Variants in CPLX1 observed in about 807,000 individuals in gnomAD.
CPLX1 encodes complexin-1.
A neutral mutation model predicts 15.6 loss-of-function variants in CPLX1; 6 were observed. The ratio of observed to expected loss-of-function variants is 0.39; its 90% confidence interval spans 0.21 to 0.76. The LOEUF is 0.76. CPLX1 is among the 30% of genes least tolerant of loss of function. The probability of loss-of-function intolerance (pLI) is 0.43; values close to 1 mark genes in which losing one functional copy is unlikely to be tolerated. For missense variants in CPLX1, 242 were observed against 188.6 expected (o/e 1.28, Z -1.66); for synonymous variants, 91 against 75.2 (o/e 1.21, Z -1.08).
At chr4:791,393 G>A (rs527512677) in intron 3 of CPLX1, among the ~76,000 whole-genome samples, 52 of 152,312 alleles carry the variant, frequency 3.4e-4, no homozygotes, top group African/African-American at 8.2e-4. Context: ...GGGAGAATCC[G>A]TGGGTGGGGA....
intron 2 of CPLX1, among the ~76,000 whole-genome samples, chr4:823,669 G>A (rs1247771901): frequency 1.3e-5 from 2 of 152,222 alleles, no homozygotes; most frequent in African/African-American, 2.4e-5. Context: ...CGACAGCCCC[G>A]AGGCCTGAGT....
chr4:818,511 G>A (rs112880455), intron 2 of CPLX1, among the ~76,000 whole-genome samples: 2,205 of 152,380 alleles, frequency 0.014, 58 homozygotes, highest in African/African-American at 0.049. Context: ...AGCAACTCTG[G>A]TGGCTTTGCA....
chr4:815,617 T>C (rs984184696), intron 2 of CPLX1, among the ~76,000 whole-genome samples: 4 of 152,116 alleles, frequency 2.6e-5, no homozygotes, highest in African/African-American at 9.7e-5. Context: ...TGGCACTTAC[T>C]CAGAAACATA....
intron 2 of CPLX1, among the ~76,000 whole-genome samples, chr4:813,347 G>A (rs1029327221): frequency 1.3e-5 from 2 of 151,974 alleles, no homozygotes; most frequent in Admixed American, 6.6e-5. Context: ...CAGGTAAATC[G>A]GTATCAGATT....
At chr4:825,483 C>G (rs1384166445) in intron 1 of CPLX1, among the ~76,000 whole-genome samples, 1 of 151,802 alleles carries the variant, frequency 6.6e-6, no homozygotes, top group African/African-American at 2.4e-5. Context: ...GCTCCCGCGG[C>G]GCGGGGAAGG....
chr4:824,164 T>G (rs956067077), intron 2 of CPLX1, among the ~76,000 whole-genome samples: 1 of 152,234 alleles, frequency 6.6e-6, no homozygotes, highest in African/African-American at 2.4e-5. Flanking sequence ...CTGTAAAGCC[T>G]ACGCCAGAGT....
intron 2 of CPLX1, 56 bp from the exon 3 acceptor site, chr4:792,664 A>C: frequency 6.5e-7 from 1 of 1,548,622 alleles, no homozygotes; most frequent in Non-Finnish European, 8.8e-7. Context: ...GGGCCGGGCT[A>C]GTGTCTCAGC....
intron 2 of CPLX1, chr4:804,836 G>C (rs969700765): frequency 1.0e-6 from 1 of 985,340 alleles, no homozygotes; most frequent in African/African-American, 1.7e-5. Flanking sequence ...CAAGCGTGGG[G>C]AGCGACGTGC....
chr4:804,857 C>A (rs1289145740), intron 2 of CPLX1: 1 of 985,324 alleles, frequency 1.0e-6, no homozygotes, highest in Admixed American at 6.1e-5. Flanking sequence ...TCAGCCTCCA[C>A]GGGAAAGGTG....
chr4:788,267 G>A, intron 3 of CPLX1: 1 of 985,278 alleles, frequency 1.0e-6, no homozygotes, highest in Non-Finnish European at 1.2e-6. Flanking sequence ...GGGGCTGCCT[G>A]TGTGCTCCCC....
intron 3 of CPLX1, chr4:788,253 A>AG (rs936887651): frequency 7.1e-6 from 7 of 984,884 alleles, no homozygotes; most frequent in Admixed American, 6.2e-5. Flanking sequence ...TCCCAAATGG[A>AG]GGGGGGGCTG....
chr4:824,685 A>G (rs1746941292), intron 1 of CPLX1, 84 bp from the exon 2 acceptor site: 2 of 787,340 alleles, frequency 2.5e-6, no homozygotes, highest in East Asian at 5.1e-5. Context: ...CTTACCCGCA[A>G]TACCTTGTGG....
intron 2 of CPLX1, among the ~76,000 whole-genome samples, chr4:801,016 C>CA (rs1280646712): frequency 1.5e-4 from 23 of 149,392 alleles, no homozygotes; most frequent in Admixed American, 9.4e-4. Flanking sequence ...GACTCTGTCT[C>CA]AAAAAAACAA....
chr4:823,489 C>T (rs1476756040), intron 2 of CPLX1, among the ~76,000 whole-genome samples: 3 of 152,202 alleles, frequency 2.0e-5, no homozygotes, highest in Non-Finnish European at 4.4e-5. Flanking sequence ...TGACTCACTC[C>T]AAGGTGTGAA....
At chr4:824,263 C>T in intron 2 of CPLX1, among the ~76,000 whole-genome samples, 1 of 152,250 alleles carries the variant, frequency 6.6e-6, no homozygotes, top group Non-Finnish European at 1.5e-5. Context: ...ACAGGGCAGC[C>T]CCTGTCCCGC....
intron 2 of CPLX1, among the ~76,000 whole-genome samples, chr4:795,811 G>A (rs968101543): frequency 6.6e-6 from 1 of 151,944 alleles, no homozygotes; most frequent in Non-Finnish European, 1.5e-5. Context: ...GGGGTGGGGG[G>A]GGGGTGCAGA....
chr4:805,795 A>C (rs1251933438), intron 2 of CPLX1, among the ~76,000 whole-genome samples: 1 of 152,254 alleles, frequency 6.6e-6, no homozygotes, highest in Non-Finnish European at 1.5e-5. Flanking sequence ...GTTCCAACAC[A>C]AACTGCAACA....
intron 3 of CPLX1, among the ~76,000 whole-genome samples, chr4:791,309 C>G (rs1436817007): frequency 6.6e-6 from 1 of 151,846 alleles, no homozygotes; most frequent in East Asian, 1.9e-4. Context: ...GCCCCCACTC[C>G]CCATCAGCGG....
chr4:817,562 G>C (rs202049016), intron 2 of CPLX1, among the ~76,000 whole-genome samples: 1 of 145,850 alleles, frequency 6.9e-6, no homozygotes, highest in African/African-American at 2.5e-5. Context: ...GTCTCAAAAA[G>C]AAAAAAAAAA....
Sources: allele counts gnomAD v4.1 joint callset (sites outside exome capture counted in the v4.1 genomes callset), GRCh38; gene constraint gnomAD v4.1.1; transcripts MANE v1.5; gene names NCBI Gene and HGNC (gene_info 2026-07-23, HGNC 2026-07-21).